Variants in EVPL observed in about 807,000 individuals in gnomAD.
EVPL encodes 210 kDa cornified envelope precursor protein.
EVPL carries 94 observed loss-of-function variants against 129.7 expected under a neutral mutation model. The ratio of observed to expected loss-of-function variants is 0.72; its 90% CI spans 0.61 to 0.86. The LOEUF (loss-of-function observed/expected upper bound fraction) is 0.86. EVPL is among the 40% of genes least tolerant of loss of function. The pLI is 0.00. For synonymous variants in EVPL, 1,172 were observed against 1,191.1 expected (o/e 0.98, Z 0.33); for missense variants, 2,625 against 2,721.1 (o/e 0.96, Z 0.79).
chr17:76,014,013 C>G (rs1236030409), intron 18 of EVPL, among the ~76,000 whole-genome samples: 3 of 152,144 alleles, frequency 2.0e-5, no homozygotes, highest in Non-Finnish European at 4.4e-5. Flanking sequence ...CCCACACTAC[C>G]GATCCTGACC....
Position 76,022,329 on chromosome 17 carries a change from G to A in EVPL, c.606+84C>T, listed in dbSNP as rs2066467265. On this transcript the variant is annotated intron_variant, in intron 5 of 21. Coordinates refer to ENST00000301607, the MANE Select transcript of EVPL (RefSeq NM_001988.4). The surrounding 1 kb of genome is among the most constrained non-coding windows in gnomAD (Gnocchi z 5.6). ...CATACCCCACCCACCCCTATCCCCA[G>A]GGCCCAGCCGATCTAGCTCCGGCTC... 4.4e-6 allele frequency: 7 copies of A among 1,602,076 alleles called. No individual in the cohort carries two copies. Among genetic ancestry groups the A allele is most frequent in the Non-Finnish European group, 5.1e-6 (6 of 1,174,356 alleles).
At chr17:76,017,627 T>C in intron 14 of EVPL, 112 bp downstream of exon 14, 1 of 1,440,564 alleles carries the variant, frequency 6.9e-7, no homozygotes, top group Non-Finnish European at 9.3e-7. Flanking sequence ...TCCACACCCT[T>C]CTCCATCTCC....
Position 76,008,269 on chromosome 17 carries a change from G to C in EVPL, c.4936C>G (p.Leu1646Val). 2 of 1,612,590 alleles carry C rather than the reference G, an allele frequency of 1.2e-6. No homozygotes were observed. The highest frequency in any genetic ancestry group is 1.7e-6 in the Non-Finnish European group (2 of 1,179,972). The change falls in exon 22 of 22, where the codon CTC (leucine) becomes GTC (valine). Residue 1646 changes from leucine to valine, a missense_variant. This residue lies in a region of EVPL where 1,453 missense variants were observed against 1,511.8 expected (regional missense o/e 0.96). Coordinates refer to ENST00000301607, the MANE Select transcript of EVPL (RefSeq NM_001988.4). The surrounding 1 kb of genome is among the most constrained non-coding windows in gnomAD (Gnocchi z 7.4). ...TCGTAGATCTGGTCCTTCTCGCGGA[G>C]GATGGCCGCCTCCAGCCGCGAGAGC... ...QELSRLEAAI[L>V]REKDQIYEKE...
In EVPL at chr17:76,009,046, C is replaced by T. The variant is rs538347223; in HGVS notation, c.4159G>A (p.Glu1387Lys). The change falls in exon 22 of 22, where the codon GAG becomes AAG. Residue 1387 changes from glutamate (E) to lysine (K), a missense_variant. Transcript: ENST00000301607. This position sits in a 1 kb window ranked among gnomAD's most constrained non-coding sequence, Gnocchi z 5.9. Reference protein sequence around the residue: ...VTQKDPKLREEHSRLSGSLDE... With the variant: ...VTQKDPKLREKHSRLSGSLDE... Reference sequence around the variant, plus strand: ...AGGCTCCCGCTCAGCCGGCTGTGCTCCTCGCGCAGCTTCGGGTCCTTCTGG... The same window carrying T: ...AGGCTCCCGCTCAGCCGGCTGTGCTTCTCGCGCAGCTTCGGGTCCTTCTGG... 33 of 1,613,584 alleles carry T rather than the reference C, an allele frequency of 2.0e-5. No individual in the cohort carries two copies. The African/African-American group carries it at 4.1e-4, about 20-fold the overall frequency.
At position 76,027,131 on chromosome 17, in the gene EVPL, G is replaced by A; in HGVS notation, c.68C>T (p.Ser23Phe). 1.3e-6 allele frequency: 2 copies of A among 1,539,120 alleles called. No homozygotes were observed. The highest frequency in any genetic ancestry group is 1.7e-6 in the Non-Finnish European group (2 of 1,147,412). The change falls in exon 1 of 22, where the codon TCC becomes TTC. Residue 23 changes from serine (S) to phenylalanine (F), a missense_variant. Ser to Phe is a radical substitution (Grantham distance 155). Transcript: ENST00000301607. ...GTGCCTGCTGGGGGAGCCTTTGGGGGACCCCTTGGCGGGGGAGCCCTTGGG... is the reference window on the plus strand; with the variant it reads ...GTGCCTGCTGGGGGAGCCTTTGGGGAACCCCTTGGCGGGGGAGCCCTTGGG... Reference protein sequence around the residue: ...GSPKGSPAKGSPKGSPSRHSR... With the variant: ...GSPKGSPAKGFPKGSPSRHSR...
At position 76,008,836 on chromosome 17, in the gene EVPL, G is replaced by GCAC. The variant is rs2066347626; in HGVS notation, c.4366_4368dup (p.Val1456dup). 3.7e-6 allele frequency: 6 copies of GCAC among 1,613,844 alleles called. No homozygotes were observed. The African/African-American group carries it at 5.3e-5, about 14-fold the overall frequency. The stretch of plus-strand genomic sequence containing the variant: ...ACTTCCTCCATGATGATCTTCTCCT[G>GCAC]CACCGTGGGAGGCCGCTTCTCGAGC... On this transcript the variant is annotated inframe_insertion, in exon 22 of 22. Coordinates refer to ENST00000301607, the MANE Select transcript of EVPL (RefSeq NM_001988.4). This position sits in a 1 kb window ranked among gnomAD's most constrained non-coding sequence, Gnocchi z 7.4.
intron 1 of EVPL, among the ~76,000 whole-genome samples, chr17:76,025,410 G>A (rs913880584): frequency 5.9e-5 from 9 of 152,152 alleles, no homozygotes; most frequent in African/African-American, 1.2e-4. Flanking sequence ...CGAGTGGATC[G>A]CACGTGAGGG....
In EVPL at chr17:76,015,751, G is replaced by A. The variant is rs1431640656; in HGVS notation, c.1711-123C>T. On this transcript the variant is annotated intron_variant, in intron 14 of 21. Coordinates refer to ENST00000301607, the MANE Select transcript of EVPL (RefSeq NM_001988.4). ...GTGGTGGGTACATGCTTGGGCTCAG[G>A]CCAGAGAACTGCGTTCAGTCCTGGC... The A allele has an allele frequency of 7.8e-6, 8 of 1,020,922 alleles. No individual in the cohort carries two copies. The East Asian group carries it at 1.3e-4, about 17-fold the overall frequency. The allele number at this position is 1,020,922 out of a possible 1,614,324, so 63.2% of individuals were successfully genotyped here. A position where few individuals can be genotyped will look rare whatever the true frequency, so the allele number is the denominator to read the frequency against.
intron 9 of EVPL, 30 bp from the exon 10 acceptor site, chr17:76,019,683 C>T (rs999608383): frequency 3.1e-6 from 5 of 1,600,552 alleles, no homozygotes; most frequent in East Asian, 2.3e-5. Flanking sequence ...AAGGGCAGAG[C>T]CTCGTGCAAC....
chr17:76,027,010 GGCC>G (rs936907925), intron 1 of EVPL, 88 bp downstream of exon 1: 51 of 737,278 alleles, frequency 6.9e-5, no homozygotes, highest in Non-Finnish European at 8.9e-5. Context: ...CTGGGCTCTG[GGCC>G]GCCGCCGCCG....
Position 76,018,926 on chromosome 17 carries a change from C to T in EVPL, c.1272G>A (p.Trp424Ter). The T allele has an allele frequency of 6.5e-7, 1 of 1,535,238 alleles. No individual in the cohort carries two copies. Among genetic ancestry groups the T allele is most frequent in the Non-Finnish European group, 8.7e-7 (1 of 1,143,572 alleles). The change falls in exon 11 of 22, where the codon TGG becomes TGA. Residue 424 changes from tryptophan (W) to a stop codon, truncating the protein, a stop_gained. Coordinates refer to ENST00000301607, the MANE Select transcript of EVPL (RefSeq NM_001988.4). LOFTEE classifies it high-confidence loss of function. ...QPLHVDSICD[W>*]DSGEVQLLQG... Reference sequence around the variant, plus strand: ...GGGGAGTTCGCACTTCTCCTGAGTCCCAGTCGCAGATGCTGTCCACGTGCA... The same window carrying T: ...GGGGAGTTCGCACTTCTCCTGAGTCTCAGTCGCAGATGCTGTCCACGTGCA...
chr17:76,024,011 G>C lies in EVPL; in HGVS notation c.198+10C>G. ...TGTCCACGCCCTGCCAACTGCTGCCGGGGCCTCACCTGCTGCAGCCTCTTC... is the reference window on the plus strand; with the variant it reads ...TGTCCACGCCCTGCCAACTGCTGCCCGGGCCTCACCTGCTGCAGCCTCTTC... On this transcript the variant is annotated intron_variant, in intron 2 of 21. Coordinates refer to ENST00000301607, the MANE Select transcript of EVPL (RefSeq NM_001988.4). This position sits in a 1 kb window ranked among gnomAD's most constrained non-coding sequence, Gnocchi z 4.5. 1 of 1,610,342 alleles carries C rather than the reference G, an allele frequency of 6.2e-7. No homozygotes were observed. Among genetic ancestry groups the C allele is most frequent in the Non-Finnish European group, 8.5e-7 (1 of 1,178,650 alleles).
chr17:76,008,156 G>A lies in EVPL; in HGVS notation c.5049C>T (p.Ser1683=). 1 of 1,614,186 alleles carries A rather than the reference G, an allele frequency of 6.2e-7. No individual in the cohort carries two copies. Among genetic ancestry groups the A allele is most frequent in the Non-Finnish European group, 8.5e-7 (1 of 1,180,036 alleles). The part of the protein sequence containing the change: ...QETQTRETNL[S]TKISILEPET... ...CGGGTTCCAGGATGGAGATCTTGGT[G>A]GAAAGGTTGGTCTCTCGCGTCTGGG... is the stretch of plus-strand genomic sequence containing the variant. The change falls in exon 22 of 22, where the codon TCC becomes TCT. Residue 1683 remains serine (S), a synonymous_variant. Coordinates refer to ENST00000301607, the MANE Select transcript of EVPL (RefSeq NM_001988.4). The surrounding 1 kb of genome is among the most constrained non-coding windows in gnomAD (Gnocchi z 7.4).
rs931441818 is a variant in EVPL, at chr17:76,009,528, C to G, written c.3677G>C (p.Gly1226Ala). 4 of 1,614,134 alleles carry G rather than the reference C, an allele frequency of 2.5e-6. No homozygotes were observed. In the South Asian group the frequency reaches 4.4e-5, roughly 18 times the overall value. ...KLQEMAGKRSGVEKEVEKLLP... is the reference protein window; with the variant it reads ...KLQEMAGKRSAVEKEVEKLLP... ...CAGCTTCTCCACCTCCTTCTCCACA[C>G]CGCTCCTCTTGCCCGCCATCTCCTG... is the stretch of plus-strand genomic sequence containing the variant. The change falls in exon 22 of 22, where the codon GGT becomes GCT. Residue 1226 changes from glycine to alanine, a missense_variant. Gly to Ala is a moderately conservative substitution (Grantham distance 60, BLOSUM62 0). Transcript: ENST00000301607. This position sits in a 1 kb window ranked among gnomAD's most constrained non-coding sequence, Gnocchi z 5.9.
In EVPL at chr17:76,008,344, T is replaced by C. The variant is rs2066340431; in HGVS notation, c.4861A>G (p.Ser1621Gly). 2 of 1,604,634 alleles carry C rather than the reference T, an allele frequency of 1.2e-6. No homozygotes were observed. Among genetic ancestry groups the C allele is most frequent in the Admixed American group, 1.7e-5 (1 of 59,960 alleles). Residue 1621 changes from serine to glycine, a missense_variant, in exon 22 of 22, where the codon AGC becomes GGC. Ser to Gly is a moderately conservative substitution (Grantham distance 56, BLOSUM62 0). Around this residue, in one of 4 missense-constraint regions of EVPL, gnomAD observed 1,453 missense variants for 1,511.8 expected, o/e 0.96. Transcript: ENST00000301607. The surrounding 1 kb of genome is among the most constrained non-coding windows in gnomAD (Gnocchi z 7.4). ...TGTCGCTCGCTCTCCGTCTTCTGGC[T>C]GAGCAGCTTCGACTCCTCCTGCAGC... is the stretch of plus-strand genomic sequence containing the variant. ...LQLQEESKLL[S>G]QKTESERQKA...
chr17:76,021,721 C>T lies in EVPL; in HGVS notation c.868G>A (p.Gly290Ser), dbSNP rs749438728. 5.0e-6 allele frequency: 8 copies of T among 1,610,516 alleles called. No individual in the cohort carries two copies. In the Admixed American group the frequency reaches 5.0e-5, roughly 10 times the overall value. Reference sequence around the variant, plus strand: ...TGCCGCAGCTCCACCATGCGCTCGCCGTCGTCCTCCAGCTGGTTCACGCTC... The same window carrying T: ...TGCCGCAGCTCCACCATGCGCTCGCTGTCGTCCTCCAGCTGGTTCACGCTC... Reference protein sequence around the residue: ...EQSVNQLEDDGERMVELRHPA... With the variant: ...EQSVNQLEDDSERMVELRHPA... The change falls in exon 8 of 22, where the codon GGC becomes AGC. Residue 290 changes from glycine (G) to serine (S), a missense_variant. Coordinates refer to ENST00000301607, the MANE Select transcript of EVPL (RefSeq NM_001988.4).
chr17:76,022,541 G>A lies in EVPL; in HGVS notation c.481-3C>T. The A allele has an allele frequency of 6.2e-7, 1 of 1,602,560 alleles. No individual in the cohort carries two copies. The highest frequency in any genetic ancestry group is 8.5e-7 in the Non-Finnish European group (1 of 1,175,526). On this transcript the variant is annotated splice_polypyrimidine_tract_variant and splice_region_variant and intron_variant, in intron 4 of 21. Coordinates refer to ENST00000301607, the MANE Select transcript of EVPL (RefSeq NM_001988.4). The surrounding 1 kb of genome is among the most constrained non-coding windows in gnomAD (Gnocchi z 5.6). ...TACTGGCCTGCGCAGACCTGCTTCTGCAGGAGAGCCGGCGGCTCAGTCCCC... is the reference window on the plus strand; with the variant it reads ...TACTGGCCTGCGCAGACCTGCTTCTACAGGAGAGCCGGCGGCTCAGTCCCC...
Position 76,020,168 on chromosome 17 carries a change from A to C in EVPL, c.1012-515T>G, listed in dbSNP as rs576850232. Reference sequence around the variant, plus strand: ...AACACAAACCAGATAAACTTAAACCAGATAAACCTAAACCAGCTAAACTTA... The same window carrying C: ...AACACAAACCAGATAAACTTAAACCCGATAAACCTAAACCAGCTAAACTTA... On this transcript the variant is annotated intron_variant, in intron 9 of 21. Transcript: ENST00000301607. 9.2e-5 allele frequency among the ~76,000 whole-genome samples: 14 copies of C among 152,178 alleles called. No individual in the cohort carries two copies. In the East Asian group the frequency reaches 2.1e-3, roughly 23 times the overall value.
At position 76,011,650 on chromosome 17, in the gene EVPL, C is replaced by G. The variant is rs2066377380; in HGVS notation, c.2587G>C (p.Ala863Pro). ...TGTGCTGCTGCAACCTCAGTATAGG[C>G]CTTTGCAAGGTTCTTCTCCTGGAGA... ...IQAQEKNLAKAYTEVAAAQQQ... is the reference protein window; with the variant it reads ...IQAQEKNLAKPYTEVAAAQQQ... Residue 863 changes from alanine to proline, a missense_variant, in exon 21 of 22, where the codon GCC becomes CCC. By Grantham distance (27) the Ala-to-Pro change is conservative. Transcript: ENST00000301607. 6.2e-7 allele frequency: 1 copy of G among 1,614,038 alleles called. No individual in the cohort carries two copies. The highest frequency in any genetic ancestry group is 1.3e-5 in the African/African-American group (1 of 74,906).
Sources: allele counts gnomAD v4.1 joint callset (sites outside exome capture counted in the v4.1 genomes callset), GRCh38; gene constraint gnomAD v4.1.1; regional missense constraint gnomAD v4.1.1; non-coding constraint Gnocchi (gnomAD v3.1); transcripts MANE v1.5; gene names NCBI Gene and HGNC (gene_info 2026-07-23, HGNC 2026-07-21).